The following DNAH9 variants were observed in gnomAD, a reference collection of about 807,000 sequenced individuals.
DNAH9 encodes the protein DNAH9 variant protein.
Under a neutral mutation model 471.6 loss-of-function variants are expected in DNAH9, and 345 were observed. The ratio of observed to expected loss-of-function variants is 0.73; its 90% CI spans 0.67 to 0.80. DNAH9 has a LOEUF of 0.80. Among genes scored for constraint, DNAH9 ranks in the 30% least tolerant of loss-of-function variants. The pLI, the probability that DNAH9 is intolerant of heterozygous loss-of-function variation, is 0.00. For synonymous variants in DNAH9, 2,093 were observed against 2,123.6 expected, an observed-to-expected ratio of 0.99 and a Z score of 0.40; for missense variants, 5,407 against 5,609.2, an observed-to-expected ratio of 0.96 and a Z score of 1.15.
chr17:11,699,660 C>A, intron 22 of DNAH9, 71 bp from the exon 23 acceptor site: 1 of 1,366,122 alleles, frequency 7.3e-7, no homozygotes, highest in African/African-American at 1.4e-5. Context: ...ACATGGTAGG[C>A]CTCTAAACAA....
rs184904051 is a variant in DNAH9 at position 11,953,240 on chromosome 17, T to C, written c.12844-8627T>C. 1.8e-3 allele frequency among the ~76,000 whole-genome samples: 275 copies of C among 152,084 alleles called. 2 individuals are homozygous for C. Among genetic ancestry groups the C allele is most frequent in the Middle Eastern group, 6.8e-3 (2 of 294 alleles). On this transcript the variant is annotated intron_variant, in intron 67 of 68. Transcript: ENST00000262442. Reference sequence around the variant, plus strand: ...CCTGCAGCTGCTGCCCACAGAGAAGTTGCTGCATTAGCCTGACTTACCGTT... The same window carrying C: ...CCTGCAGCTGCTGCCCACAGAGAAGCTGCTGCATTAGCCTGACTTACCGTT...
At chr17:11,702,654 A>C (rs1207834106) in intron 24 of DNAH9, among the ~76,000 whole-genome samples, 1 of 152,222 alleles carries the variant, frequency 6.6e-6, no homozygotes, top group African/African-American at 2.4e-5. Context: ...AGCAGGTAAG[A>C]GGTAGGAAAT....
chr17:11,756,703 A>G (rs1967407383), intron 34 of DNAH9, 27 bp downstream of exon 34: 1 of 1,414,550 alleles, frequency 7.1e-7, no homozygotes, highest in African/African-American at 1.4e-5. Flanking sequence ...GAAGAACCAC[A>G]AAGCTACTCC....
chr17:11,871,126 G>T, intron 51 of DNAH9, among the ~76,000 whole-genome samples: 1 of 152,142 alleles, frequency 6.6e-6, no homozygotes, highest in East Asian at 1.9e-4. Context: ...ATGCTTCTCT[G>T]TGTCTCAATT....
intron 1 of DNAH9, among the ~76,000 whole-genome samples, chr17:11,599,307 C>T (rs2072335094): frequency 6.6e-6 from 1 of 152,006 alleles, no homozygotes; most frequent in African/African-American, 2.4e-5. Flanking sequence ...GTAATCCCTC[C>T]TGTAAATTGG....
intron 66 of DNAH9, among the ~76,000 whole-genome samples, chr17:11,939,572 C>G (rs1974829733): frequency 6.6e-6 from 1 of 152,176 alleles, no homozygotes; most frequent in Admixed American, 6.5e-5. Context: ...TTCCTATGAG[C>G]TATCTTCCTT....
intron 28 of DNAH9, among the ~76,000 whole-genome samples, chr17:11,733,523 G>C (rs564421359): frequency 5.8e-4 from 89 of 152,280 alleles, no homozygotes; most frequent in African/African-American, 2.0e-3. Context: ...TAACAAGGTT[G>C]ACCACTGGAC....
intron 38 of DNAH9, among the ~76,000 whole-genome samples, chr17:11,774,413 CAG>C (rs1448698254): frequency 1.3e-5 from 2 of 152,104 alleles, no homozygotes; most frequent in African/African-American, 4.8e-5. Flanking sequence ...TTATAAAGGA[CAG>C]AGGTTTAATG....
chr17:11,770,581 CT>C (rs1344501339), intron 38 of DNAH9, among the ~76,000 whole-genome samples: 1 of 152,182 alleles, frequency 6.6e-6, no homozygotes. Context: ...CACCTCTAGA[CT>C]TCATCCACTG....
At chr17:11,753,841 G>A (rs1471997281) in intron 33 of DNAH9, among the ~76,000 whole-genome samples, 1 of 152,176 alleles carries the variant, frequency 6.6e-6, no homozygotes, top group Non-Finnish European at 1.5e-5. Context: ...AGGTTTGAGG[G>A]TACCTGTGCA....
chr17:11,680,592 G>T (rs2074117337), intron 18 of DNAH9, 131 bp from the exon 19 acceptor site: 1 of 723,278 alleles, frequency 1.4e-6, no homozygotes, highest in Non-Finnish European at 2.3e-6. Flanking sequence ...TAGGGAATGG[G>T]AAGATGACAC....
chr17:11,752,036 C>T lies in DNAH9; in HGVS notation c.6611-797C>T, dbSNP rs183158616. Among the ~76,000 whole-genome samples the T allele has an allele frequency of 3.6e-3, 541 of 152,176 alleles. 4 individuals carry two copies. The highest frequency in any genetic ancestry group is 0.012 in the African/African-American group (503 of 41,500). On this transcript the variant is annotated intron_variant, in intron 32 of 68. Coordinates refer to ENST00000262442, the MANE Select transcript of DNAH9 (RefSeq NM_001372.4). ...ATGAGATATTTAGGAACACATTTAA[C>T]CAAACACATATATTTTAAAATCTGT... is the stretch of plus-strand genomic sequence containing the variant.
intron 67 of DNAH9, among the ~76,000 whole-genome samples, chr17:11,948,378 G>A (rs181065443): frequency 3.3e-5 from 5 of 151,968 alleles, no homozygotes; most frequent in Non-Finnish European, 2.9e-5. Flanking sequence ...ACAGGTGCCT[G>A]CCACCGTGCC....
chr17:11,795,833 A>G (rs943172344), intron 42 of DNAH9, among the ~76,000 whole-genome samples: 1 of 152,206 alleles, frequency 6.6e-6, no homozygotes. Flanking sequence ...ACAGACCCAG[A>G]TATATGAATA....
At chr17:11,802,476 A>C (rs1969498959) in intron 43 of DNAH9, among the ~76,000 whole-genome samples, 1 of 152,078 alleles carries the variant, frequency 6.6e-6, no homozygotes, top group African/African-American at 2.4e-5. Flanking sequence ...TAAAAATACC[A>C]AAAAACTTAG....
At chr17:11,872,384 A>G (rs572988296) in intron 52 of DNAH9, among the ~76,000 whole-genome samples, 2 of 122,654 alleles carry the variant, frequency 1.6e-5, no homozygotes, top group East Asian at 5.7e-4. Flanking sequence ...ACCCCCTGCA[A>G]TGTAACTAAA....
chr17:11,692,515 T>C (rs1418922312), intron 20 of DNAH9, among the ~76,000 whole-genome samples: 1 of 152,160 alleles, frequency 6.6e-6, no homozygotes, highest in Non-Finnish European at 1.5e-5. Context: ...GAAAATTCAT[T>C]TTGGTTATAT....
chr17:11,843,855 G>GTATATATATA (rs1329330705), intron 49 of DNAH9, among the ~76,000 whole-genome samples: 177 of 9,136 alleles, frequency 0.019, 1 homozygote, highest in Non-Finnish European at 0.035. Flanking sequence ...GTGTGTGTGT[G>GTATATATATA]TGTGTGTGTA....
intron 4 of DNAH9, among the ~76,000 whole-genome samples, chr17:11,613,872 AT>A (rs2072688200): frequency 6.6e-6 from 1 of 152,214 alleles, no homozygotes; most frequent in African/African-American, 2.4e-5. Flanking sequence ...TGAGTTTGTT[AT>A]TTAGTGCCCC....
Sources: allele counts gnomAD v4.1 joint callset (sites outside exome capture counted in the v4.1 genomes callset), GRCh38; gene constraint gnomAD v4.1.1; transcripts MANE v1.5; gene names NCBI Gene and HGNC (gene_info 2026-07-23, HGNC 2026-07-21).